HOXD9: variants seen among roughly 807,000 people sequenced by gnomAD.
HOXD9 encodes homeobox D9.
In HOXD9, 21 loss-of-function variants were observed where a neutral mutation model predicts 24.6. The observed-to-expected ratio is 0.85, with a 90% CI of 0.61 to 1.23. The LOEUF (loss-of-function observed/expected upper bound fraction) is 1.23. HOXD9 is among the 50% of genes most tolerant of loss of function. The pLI is 0.00. For missense variants in HOXD9, 503 were observed against 503.6 expected, an observed-to-expected ratio of 1.00 and a Z score of 0.01; for synonymous variants, 240 against 226.4, an observed-to-expected ratio of 1.06 and a Z score of -0.54.
chr2:176,122,773 T>A lies in HOXD9; in HGVS notation c.5T>A (p.Leu2Ter). Residue 2 changes from leucine (L) to a stop codon, truncating the protein, a stop_gained, in exon 1 of 2, where the codon TTG becomes TAG. Transcript: ENST00000249499. LOFTEE classifies it high-confidence loss of function. ...TGCTCGGCGGCGGACAGTGTAATGT[T>A]GGGTGGGAGTGCGGGACGCCTCAAA... M[L>*]GGSAGRLKMS... 6.6e-7 allele frequency: 1 copy of A among 1,510,180 alleles called. No individual in the cohort carries two copies. Among genetic ancestry groups the A allele is most frequent in the Non-Finnish European group, 8.8e-7 (1 of 1,133,544 alleles). The allele number at this position is 1,510,180 out of a possible 1,614,324, so 93.5% of individuals were successfully genotyped here.
chr2:176,123,219 G>T lies in HOXD9; in HGVS notation c.451G>T (p.Gly151Cys). ...CCGCGGTCCCAGCCCTGGCCCCAGC[G>T]GCCCAGCCAACGGGCGCCACTACGG... Reference protein sequence around the residue: ...PGRGPSPGPSGPANGRHYGIK... With the variant: ...PGRGPSPGPSCPANGRHYGIK... Residue 151 changes from glycine (G) to cysteine (C), a missense_variant, in exon 1 of 2, where the codon GGC becomes TGC. Transcript: ENST00000249499. The surrounding 1 kb of genome is among the most constrained non-coding windows in gnomAD (Gnocchi z 4.2). The T allele has an allele frequency of 2.1e-6, 3 of 1,422,038 alleles. No homozygotes were observed. The highest frequency in any genetic ancestry group is 1.9e-6 in the Non-Finnish European group (2 of 1,079,904). The allele number at this position is 1,422,038 out of a possible 1,614,324, so 88.1% of individuals were successfully genotyped here.
In HOXD9 at chr2:176,123,035, G is replaced by A. The variant is rs1286300432; in HGVS notation, c.267G>A (p.Ala89=). The stretch of plus-strand genomic sequence containing the variant: ...CGGTGCCCTCCCAGCCCCCGGCAGC[G>A]GCGGCGATGAGCGGCCTCTACCACC... The part of the protein sequence containing the change: ...WSAVPSQPPA[A]AAMSGLYHPY... The change falls in exon 1 of 2, where the codon GCG becomes GCA. Residue 89 remains alanine (A), a synonymous_variant. Transcript: ENST00000249499. The surrounding 1 kb of genome is among the most constrained non-coding windows in gnomAD (Gnocchi z 4.2). 1.3e-6 allele frequency: 2 copies of A among 1,586,316 alleles called. No individual in the cohort carries two copies. The highest frequency in any genetic ancestry group is 1.1e-5 in the South Asian group (1 of 88,746).
At position 176,124,705 on chromosome 2, in the gene HOXD9, G is replaced by A. The variant is rs1387003535; in HGVS notation, c.*530G>A. ...AGCCCCCTTTCCTCAGGGAGCACGC[G>A]GGACCTCGGTGGAGATCTCCAGTGA... On this transcript the variant is annotated 3_prime_UTR_variant, in exon 2 of 2. Coordinates refer to ENST00000249499, the MANE Select transcript of HOXD9 (RefSeq NM_014213.4). 1 of 153,490 alleles carries A rather than the reference G, an allele frequency of 6.5e-6. No individual in the cohort carries two copies. Among genetic ancestry groups the A allele is most frequent in the East Asian group, 1.9e-4 (1 of 5,188 alleles). 9.5% of individuals were successfully genotyped at this position (153,490 alleles called of 1,614,324 possible).
chr2:176,124,205 G>T lies in HOXD9; in HGVS notation c.*30G>T. The T allele has an allele frequency of 6.4e-7, 1 of 1,562,098 alleles. No individual in the cohort carries two copies. The highest frequency in any genetic ancestry group is 1.2e-5 in the South Asian group (1 of 83,936). On this transcript the variant is annotated 3_prime_UTR_variant, in exon 2 of 2. Transcript: ENST00000249499. ...GCGCGGTGCTGGCGGGAGCGCTCAA[G>T]GGCAGCGGATTTGTTGTTGTTGCTG...
At position 176,124,332 on chromosome 2, in the gene HOXD9, G is replaced by A; in HGVS notation, c.*157G>A. 1 of 1,184,228 alleles carries A rather than the reference G, an allele frequency of 8.4e-7. No homozygotes were observed. The highest frequency in any genetic ancestry group is 2.9e-5 in the Admixed American group (1 of 34,046). The allele number at this position is 1,184,228 out of a possible 1,614,324, so 73.4% of individuals were successfully genotyped here. A position where few individuals can be genotyped will look rare whatever the true frequency, so the allele number is the denominator to read the frequency against. On this transcript the variant is annotated 3_prime_UTR_variant, in exon 2 of 2. Transcript: ENST00000249499. ...CTTTTTAGATAGAAGTGACTGTGTGGTTGGTCTCTGAGGTATTTGGGGGAC... is the reference window on the plus strand; with the variant it reads ...CTTTTTAGATAGAAGTGACTGTGTGATTGGTCTCTGAGGTATTTGGGGGAC...
At position 176,123,890 on chromosome 2, in the gene HOXD9, C is replaced by T. The variant is rs1010011987; in HGVS notation, c.818-44C>T. On this transcript the variant is annotated intron_variant, in intron 1 of 1. Coordinates refer to ENST00000249499, the MANE Select transcript of HOXD9 (RefSeq NM_014213.4). The surrounding 1 kb of genome is among the most constrained non-coding windows in gnomAD (Gnocchi z 4.2). ...CCACCCTGTGGTCTCTCCCTGCCTC[C>T]CCTCCTCTCCTCTCTCCCCGTCTCC... 1.3e-6 allele frequency: 2 copies of T among 1,539,740 alleles called. No individual in the cohort carries two copies. Among genetic ancestry groups the T allele is most frequent in the Admixed American group, 1.8e-5 (1 of 56,836 alleles).
At position 176,123,445 on chromosome 2, in the gene HOXD9, C is replaced by T. The variant is rs890800606; in HGVS notation, c.677C>T (p.Pro226Leu). Reference sequence around the variant, plus strand: ...GCAGCGGCGACGGGGGGAACCGGGCCTGGGGCAGGGATCGGGGCCGCGACT... The same window carrying T: ...GCAGCGGCGACGGGGGGAACCGGGCTTGGGGCAGGGATCGGGGCCGCGACT... Reference protein sequence around the residue: ...KAAAATGGTGPGAGIGAATGT... With the variant: ...KAAAATGGTGLGAGIGAATGT... Residue 226 changes from proline (P) to leucine (L), a missense_variant, in exon 1 of 2, where the codon CCT becomes CTT. Pro to Leu is a moderately conservative substitution (Grantham distance 98). Transcript: ENST00000249499. This position sits in a 1 kb window ranked among gnomAD's most constrained non-coding sequence, Gnocchi z 4.2. 4 of 1,567,170 alleles carry T rather than the reference C, an allele frequency of 2.6e-6. No individual in the cohort carries two copies. The highest frequency in any genetic ancestry group is 2.6e-6 in the Non-Finnish European group (3 of 1,156,020).
chr2:176,123,604 G>GC lies in HOXD9; in HGVS notation c.817+24dup. ...GACCCAAGTAAGTGCAAAAGAAATT[G>GC]CCCCCTGATTTATTGCTGAAACCTG... On this transcript the variant is annotated intron_variant, in intron 1 of 1. Transcript: ENST00000249499. This position sits in a 1 kb window ranked among gnomAD's most constrained non-coding sequence, Gnocchi z 4.2. The GC allele has an allele frequency of 1.3e-6, 2 of 1,481,506 alleles. No homozygotes were observed. 91.8% of individuals were successfully genotyped at this position (1,481,506 alleles called of 1,614,324 possible). A position where few individuals can be genotyped will look rare whatever the true frequency, so the allele number is the denominator to read the frequency against.
At position 176,123,890 on chromosome 2, in the gene HOXD9, C is replaced by G; in HGVS notation, c.818-44C>G. ...CCACCCTGTGGTCTCTCCCTGCCTCCCCTCCTCTCCTCTCTCCCCGTCTCC... is the reference window on the plus strand; with the variant it reads ...CCACCCTGTGGTCTCTCCCTGCCTCGCCTCCTCTCCTCTCTCCCCGTCTCC... On this transcript the variant is annotated intron_variant, in intron 1 of 1. Transcript: ENST00000249499. This position sits in a 1 kb window ranked among gnomAD's most constrained non-coding sequence, Gnocchi z 4.2. 1 of 1,539,858 alleles carries G rather than the reference C, an allele frequency of 6.5e-7. No individual in the cohort carries two copies. Among genetic ancestry groups the G allele is most frequent in the Non-Finnish European group, 8.9e-7 (1 of 1,122,826 alleles).
Position 176,124,293 on chromosome 2 carries a change from TTC to T in HOXD9, c.*120_*121del, listed in dbSNP as rs1005933045. The T allele has an allele frequency of 4.0e-3, 4,951 of 1,236,252 alleles. 33 individuals are homozygous for T. The highest frequency in any genetic ancestry group is 0.034 in the African/African-American group (2,152 of 63,338). The allele number at this position is 1,236,252 out of a possible 1,614,324, so 76.6% of individuals were successfully genotyped here. ...ACTCTCCAGCGACTTGGACTTCTTC[TTC>T]TTTTTTTTTTTCTTTTTAGATAGAA... On this transcript the variant is annotated 3_prime_UTR_variant, in exon 2 of 2. Transcript: ENST00000249499.
chr2:176,124,294 T>TG lies in HOXD9; in HGVS notation c.*119_*120insG. 1 of 1,104,434 alleles carries TG rather than the reference T, an allele frequency of 9.1e-7. No homozygotes were observed. 68.4% of individuals were successfully genotyped at this position (1,104,434 alleles called of 1,614,324 possible). On this transcript the variant is annotated 3_prime_UTR_variant, in exon 2 of 2. Coordinates refer to ENST00000249499, the MANE Select transcript of HOXD9 (RefSeq NM_014213.4). ...CTCTCCAGCGACTTGGACTTCTTCT[T>TG]CTTTTTTTTTTTCTTTTTAGATAGA...
chr2:176,123,627 C>A lies in HOXD9; in HGVS notation c.817+42C>A. On this transcript the variant is annotated intron_variant, in intron 1 of 1. Coordinates refer to ENST00000249499, the MANE Select transcript of HOXD9 (RefSeq NM_014213.4). This position sits in a 1 kb window ranked among gnomAD's most constrained non-coding sequence, Gnocchi z 4.2. ...TTGCCCCCTGATTTATTGCTGAAAC[C>A]TGTAAGGCTCGAATGTGCAAAACTG... 6.7e-7 allele frequency: 1 copy of A among 1,487,326 alleles called. No individual in the cohort carries two copies. Among genetic ancestry groups the A allele is most frequent in the South Asian group, 1.4e-5 (1 of 70,076 alleles). The allele number at this position is 1,487,326 out of a possible 1,614,324, so 92.1% of individuals were successfully genotyped here. A position where few individuals can be genotyped will look rare whatever the true frequency, so the allele number is the denominator to read the frequency against.
Position 176,123,671 on chromosome 2 carries a change from A to G in HOXD9, c.817+86A>G. Reference sequence around the variant, plus strand: ...AAAACTGATAGTTTTACTAACCTATAAAAACGTCTAGACGCCTACCCAAGC... The same window carrying G: ...AAAACTGATAGTTTTACTAACCTATGAAAACGTCTAGACGCCTACCCAAGC... On this transcript the variant is annotated intron_variant, in intron 1 of 1. Transcript: ENST00000249499. This position sits in a 1 kb window ranked among gnomAD's most constrained non-coding sequence, Gnocchi z 4.2. The G allele has an allele frequency of 1.4e-6, 2 of 1,439,128 alleles. No individual in the cohort carries two copies. The highest frequency in any genetic ancestry group is 1.8e-6 in the Non-Finnish European group (2 of 1,091,196). The allele number at this position is 1,439,128 out of a possible 1,614,324, so 89.1% of individuals were successfully genotyped here. A position where few individuals can be genotyped will look rare whatever the true frequency, so the allele number is the denominator to read the frequency against.
Position 176,122,895 on chromosome 2 carries a change from C to T in HOXD9, c.127C>T (p.Pro43Ser), listed in dbSNP as rs1249696471. Residue 43 changes from proline to serine, a missense_variant, in exon 1 of 2, where the codon CCA becomes TCA. Physicochemically the swap from Pro to Ser is moderately conservative, Grantham distance 74. Transcript: ENST00000249499. ...CGCGGCGCGCTTCGGGCCGCCGGGG[C>T]CAGGCGCGCAGGGCCGGCCTGCAGG... is the stretch of plus-strand genomic sequence containing the variant. ...VFAARFGPPG[P>S]GAQGRPAGVA... is the part of the protein sequence containing the mutation. 6.3e-7 allele frequency: 1 copy of T among 1,591,800 alleles called. No individual in the cohort carries two copies. The highest frequency in any genetic ancestry group is 1.7e-4 in the Middle Eastern group (1 of 6,006).
Position 176,124,298 on chromosome 2 carries a change from T to C in HOXD9, c.*123T>C, listed in dbSNP as rs192165308. On this transcript the variant is annotated 3_prime_UTR_variant, in exon 2 of 2. Coordinates refer to ENST00000249499, the MANE Select transcript of HOXD9 (RefSeq NM_014213.4). ...CCAGCGACTTGGACTTCTTCTTCTT[T>C]TTTTTTTTCTTTTTAGATAGAAGTG... is the stretch of plus-strand genomic sequence containing the variant. The C allele has an allele frequency of 5.8e-5, 81 of 1,402,740 alleles. 2 individuals are homozygous for C. In the Admixed American group the frequency reaches 1.1e-3, roughly 20 times the overall value. 86.9% of individuals were successfully genotyped at this position (1,402,740 alleles called of 1,614,324 possible).
chr2:176,124,295 C>T lies in HOXD9; in HGVS notation c.*120C>T, dbSNP rs711822. On this transcript the variant is annotated 3_prime_UTR_variant, in exon 2 of 2. Transcript: ENST00000249499. The stretch of plus-strand genomic sequence containing the variant: ...TCTCCAGCGACTTGGACTTCTTCTT[C>T]TTTTTTTTTTTCTTTTTAGATAGAA... 0.58 allele frequency: 689,123 copies of T among 1,190,522 alleles called. 157,909 individuals carry two copies. Among genetic ancestry groups the T allele is most frequent in the African/African-American group, 0.72 (45,437 of 63,370 alleles). 73.7% of individuals were successfully genotyped at this position (1,190,522 alleles called of 1,614,324 possible).
rs954897263 is a variant in HOXD9 at position 176,122,757 on chromosome 2, G to A, written c.-12G>A. ...GGCGCCGGCGGGGAGCTGCTCGGCG[G>A]CGGACAGTGTAATGTTGGGTGGGAG... On this transcript the variant is annotated 5_prime_UTR_variant, in exon 1 of 2. Transcript: ENST00000249499. 2.7e-6 allele frequency: 4 copies of A among 1,469,630 alleles called. No homozygotes were observed. The highest frequency in any genetic ancestry group is 5.2e-5 in the Admixed American group (2 of 38,396). 91.0% of individuals were successfully genotyped at this position (1,469,630 alleles called of 1,614,324 possible).
rs1273767809 is a variant in HOXD9 at position 176,123,753 on chromosome 2, G to A, written c.817+168G>A. Among the ~76,000 whole-genome samples the A allele has an allele frequency of 6.6e-6, 1 of 152,140 alleles. No homozygotes were observed. The highest frequency in any genetic ancestry group is 2.4e-5 in the African/African-American group (1 of 41,424). On this transcript the variant is annotated intron_variant, in intron 1 of 1. Coordinates refer to ENST00000249499, the MANE Select transcript of HOXD9 (RefSeq NM_014213.4). This position sits in a 1 kb window ranked among gnomAD's most constrained non-coding sequence, Gnocchi z 4.2. ...CTTCCCATAACCACCTACCCTGGGCGCTCAGTTAGTACGGTAAACAGAGCG... is the reference window on the plus strand; with the variant it reads ...CTTCCCATAACCACCTACCCTGGGCACTCAGTTAGTACGGTAAACAGAGCG...
In HOXD9 at chr2:176,123,859, T is replaced by G; in HGVS notation, c.818-75T>G. 1 of 1,293,222 alleles carries G rather than the reference T, an allele frequency of 7.7e-7. No homozygotes were observed. The allele number at this position is 1,293,222 out of a possible 1,614,324, so 80.1% of individuals were successfully genotyped here. A position where few individuals can be genotyped will look rare whatever the true frequency, so the allele number is the denominator to read the frequency against. On this transcript the variant is annotated intron_variant, in intron 1 of 1. Coordinates refer to ENST00000249499, the MANE Select transcript of HOXD9 (RefSeq NM_014213.4). The surrounding 1 kb of genome is among the most constrained non-coding windows in gnomAD (Gnocchi z 4.2). ...TTGGTGAAATTAATTTAACGACCTC[T>G]CTTCCCCACCCTGTGGTCTCTCCCT...
Sources: allele counts gnomAD v4.1 joint callset (sites outside exome capture counted in the v4.1 genomes callset), GRCh38; gene constraint gnomAD v4.1.1; non-coding constraint Gnocchi (gnomAD v3.1); transcripts MANE v1.5; gene names NCBI Gene and HGNC (gene_info 2026-07-23, HGNC 2026-07-21).